Variants in DYNLT2 observed in about 807,000 individuals in gnomAD.
The protein encoded by DYNLT2 is dynein light chain Tctex-type protein 2.
A neutral mutation model predicts 24.3 loss-of-function variants in DYNLT2; 24 were observed. The ratio of observed to expected loss-of-function variants is 0.99; its 90% CI spans 0.71 to 1.39. DYNLT2 has a LOEUF of 1.39. Among genes scored for constraint, DYNLT2 ranks in the 40% most tolerant of loss-of-function variants. DYNLT2 has a pLI of 0.00. For synonymous variants in DYNLT2, 85 were observed against 85.4 expected (o/e 1.00, Z 0.03); for missense variants, 246 against 234.5 (o/e 1.05, Z -0.32).
At chr6:169,746,825 G>C (rs1160072683) in intron 1 of DYNLT2, among the ~76,000 whole-genome samples, 2 of 151,866 alleles carry the variant, frequency 1.3e-5, no homozygotes, top group Non-Finnish European at 2.9e-5. Context: ...TAGTGAACCT[G>C]TGCTTCTGGA....
chr6:169,742,467 T>C (rs553333661), intron 3 of DYNLT2, among the ~76,000 whole-genome samples: 11 of 152,316 alleles, frequency 7.2e-5, no homozygotes, highest in Admixed American at 5.2e-4. Context: ...TTTTCCTTAG[T>C]ACCTAACACC....
chr6:169,751,494 T>C lies in DYNLT2; in HGVS notation c.-36A>G. The C allele has an allele frequency of 6.2e-7, 1 of 1,610,704 alleles. No homozygotes were observed. The highest frequency in any genetic ancestry group is 8.5e-7 in the Non-Finnish European group (1 of 1,178,400). On this transcript the variant is annotated 5_prime_UTR_variant, in exon 1 of 4. Transcript: ENST00000366774. Reference sequence around the variant, plus strand: ...TCTCCAAGACGCCCACCGCCTCCCCTTCACCGCCGGCGGTCAAACGCCCTA... The same window carrying C: ...TCTCCAAGACGCCCACCGCCTCCCCCTCACCGCCGGCGGTCAAACGCCCTA...
downstream of DYNLT2, chr6:169,740,093 C>A: frequency 4.8e-6 from 4 of 839,790 alleles, no homozygotes; most frequent in South Asian, 5.5e-5. Flanking sequence ...AAGAATATAG[C>A]AAATCAGAAA....
chr6:169,731,319 G>T, the DYNLT2 span, among the ~76,000 whole-genome samples: 3 of 152,166 alleles, frequency 2.0e-5, no homozygotes, highest in Admixed American at 2.0e-4. Flanking sequence ...GTAGGCAGAA[G>T]AATTGGTATT....
Position 169,743,233 on chromosome 6 carries a change from ACTTTC to A in DYNLT2, c.328_332del (p.Glu110SerfsTer2). 3 of 1,463,142 alleles carry A rather than the reference ACTTTC, an allele frequency of 2.1e-6. No individual in the cohort carries two copies. Among genetic ancestry groups the A allele is most frequent in the African/African-American group, 1.4e-5 (1 of 70,974 alleles). The allele number at this position is 1,463,142 out of a possible 1,614,324, so 90.6% of individuals were successfully genotyped here. A position where few individuals can be genotyped will look rare whatever the true frequency, so the allele number is the denominator to read the frequency against. ...TATCATCATATTTGACATCTTTAAGACTTTCCTTTAAGAAAATTTAAGAAAAATAC... is the reference window on the plus strand; with the variant it reads ...TATCATCATATTTGACATCTTTAAGACTTTAAGAAAATTTAAGAAAAATAC... On this transcript the variant is annotated frameshift_variant and splice_region_variant, in exon 3 of 4. Transcript: ENST00000366774. LOFTEE classifies it high-confidence loss of function.
the DYNLT2 span, among the ~76,000 whole-genome samples, chr6:169,733,151 A>G: frequency 1.3e-5 from 2 of 151,644 alleles, no homozygotes; most frequent in African/African-American, 4.8e-5. Context: ...TTTCTTGTAA[A>G]TATGTTTAAG....
chr6:169,731,140 T>C, the DYNLT2 span, among the ~76,000 whole-genome samples: 1 of 152,100 alleles, frequency 6.6e-6, no homozygotes, highest in Non-Finnish European at 1.5e-5. Flanking sequence ...GAAGATATTA[T>C]GGAGGACAAA....
chr6:169,743,181 A>G lies in DYNLT2; in HGVS notation c.385T>C (p.Leu129=). ...DKVFSHLSLE[L]ADRILLAVKE... ...ACTGCTAACAGTATGCGGTCTGCCA[A>G]TTCAAGTGACAAGTGAGAGAATACT... Residue 129 remains leucine, a synonymous_variant, in exon 3 of 4, where the codon TTG becomes CTG. Transcript: ENST00000366774. 1.3e-6 allele frequency: 2 copies of G among 1,573,506 alleles called. No individual in the cohort carries two copies. The highest frequency in any genetic ancestry group is 1.7e-4 in the Middle Eastern group (1 of 5,858).
At chr6:169,737,786 G>A (rs559119525), downstream of DYNLT2, among the ~76,000 whole-genome samples, 2 of 152,286 alleles carry the variant, frequency 1.3e-5, no homozygotes, top group East Asian at 3.9e-4. Context: ...GTCTCACCCA[G>A]TTGGGTGACA....
At chr6:169,741,054 G>A (rs1164299734) in intron 3 of DYNLT2, among the ~76,000 whole-genome samples, 3 of 152,068 alleles carry the variant, frequency 2.0e-5, no homozygotes, top group East Asian at 1.9e-4. Flanking sequence ...TGATCCACCC[G>A]CATCAGCCTC....
chr6:169,739,508 G>A (rs1789630946), downstream of DYNLT2, among the ~76,000 whole-genome samples: 1 of 152,124 alleles, frequency 6.6e-6, no homozygotes, highest in African/African-American at 2.4e-5. Flanking sequence ...GGAAGTTGGA[G>A]AGAACCTGGA....
At chr6:169,730,623 G>C in the DYNLT2 span, among the ~76,000 whole-genome samples, 1 of 152,164 alleles carries the variant, frequency 6.6e-6, no homozygotes, top group Non-Finnish European at 1.5e-5. Flanking sequence ...GGCCGGGCGC[G>C]GTGGCTCACG....
At chr6:169,731,454 G>A in the DYNLT2 span, among the ~76,000 whole-genome samples, 1 of 152,138 alleles carries the variant, frequency 6.6e-6, no homozygotes, top group African/African-American at 2.4e-5. Context: ...GTAAGGCAAA[G>A]AAAATAGGCC....
downstream of DYNLT2, among the ~76,000 whole-genome samples, chr6:169,736,138 GTTTGT>G (rs1789557022): frequency 8.3e-6 from 1 of 120,748 alleles, no homozygotes; most frequent in South Asian, 2.8e-4. Context: ...TCGTTTTTTT[GTTTGT>G]TTTTTTTTTT....
At chr6:169,744,765 G>T (rs1475946923) in intron 1 of DYNLT2, among the ~76,000 whole-genome samples, 2 of 152,136 alleles carry the variant, frequency 1.3e-5, no homozygotes, top group African/African-American at 2.4e-5. Context: ...AAGGTGAAAA[G>T]ACACCAAAAG....
At chr6:169,745,768 T>A (rs1789783288) in intron 1 of DYNLT2, among the ~76,000 whole-genome samples, 1 of 152,202 alleles carries the variant, frequency 6.6e-6, no homozygotes, top group Non-Finnish European at 1.5e-5. Context: ...CCTTTGGTAT[T>A]AGGGTAATGC....
the DYNLT2 span, among the ~76,000 whole-genome samples, chr6:169,734,781 A>G: frequency 6.6e-6 from 1 of 152,082 alleles, no homozygotes; most frequent in African/African-American, 2.4e-5. Context: ...AGGTTTTGGT[A>G]TCAGGGCGAT....
intron 1 of DYNLT2, among the ~76,000 whole-genome samples, chr6:169,748,091 C>T (rs9383521): frequency 0.19 from 29,261 of 152,118 alleles, 3,785 homozygotes; most frequent in East Asian, 0.64. Context: ...GGGAACATGT[C>T]CAAGGATTTT....
At chr6:169,731,438 T>A in the DYNLT2 span, among the ~76,000 whole-genome samples, 1 of 152,182 alleles carries the variant, frequency 6.6e-6, no homozygotes, top group African/African-American at 2.4e-5. Flanking sequence ...GGTATGGAGA[T>A]GAGACGTAAG....
Sources: gnomAD v4.1 joint callset for allele counts (sites outside exome capture counted in the v4.1 genomes callset) on GRCh38, gnomAD v4.1.1 for gene constraint, MANE v1.5 for transcripts, NCBI Gene and HGNC (gene_info 2026-07-23, HGNC 2026-07-21) for gene names.